SNX29: variants seen among roughly 807,000 people sequenced by gnomAD.
SNX29 encodes the protein sorting nexin-29.
SNX29 carries 78 observed loss-of-function variants against 102.1 expected under a neutral mutation model. The observed-to-expected ratio is 0.76, with a 90% confidence interval of 0.64 to 0.92. The LOEUF (loss-of-function observed/expected upper bound fraction) is 0.92. Among genes scored for constraint, SNX29 ranks in the 40% least tolerant of loss-of-function variants. The pLI, the probability that SNX29 is intolerant of heterozygous loss-of-function variation, is 0.00. For missense variants in SNX29, 1,280 were observed against 1,061.7 expected, an observed-to-expected ratio of 1.21 and a Z score of -2.86; for synonymous variants, 580 against 414.5, an observed-to-expected ratio of 1.40 and a Z score of -4.85.
At chr16:12,357,022 G>A (rs1330817600) in intron 16 of SNX29, among the ~76,000 whole-genome samples, 1 of 152,246 alleles carries the variant, frequency 6.6e-6, no homozygotes, top group Non-Finnish European at 1.5e-5. Context: ...TTTGGATTCA[G>A]TAGTGTCTTT....
rs1305414027 is a variant in SNX29 at position 12,477,830 on chromosome 16, T to C, written c.2149T>C (p.Phe717Leu). ...GTACCCTCAAGTGAGGGCCTACAAC[T>C]TCCCACCCAAAAAGGCCATTGGAAA... ...NKYPQVRAYNFPPKKAIGNKD... is the reference protein window; with the variant it reads ...NKYPQVRAYNLPPKKAIGNKD... Residue 717 changes from phenylalanine (F) to leucine (L), a missense_variant, in exon 19 of 21, where the codon TTC becomes CTC. Phe to Leu is a conservative substitution (Grantham distance 22). Coordinates refer to ENST00000566228, the MANE Select transcript of SNX29 (RefSeq NM_032167.5). 1.2e-6 allele frequency: 2 copies of C among 1,609,582 alleles called. No homozygotes were observed. Among genetic ancestry groups the C allele is most frequent in the Admixed American group, 1.7e-5 (1 of 58,462 alleles).
At chr16:12,020,451 C>T (rs1293575181) in intron 3 of SNX29, among the ~76,000 whole-genome samples, 1 of 152,096 alleles carries the variant, frequency 6.6e-6, no homozygotes, top group African/African-American at 2.4e-5. Flanking sequence ...ATCTGCCCAC[C>T]TCGGCCTCCC....
rs768651100 is a variant in SNX29, at chr16:12,568,656, C to T, written c.*27C>T. 5.6e-6 allele frequency: 9 copies of T among 1,597,828 alleles called. No homozygotes were observed. The highest frequency in any genetic ancestry group is 5.9e-6 in the Non-Finnish European group (7 of 1,178,528). Reference sequence around the variant, plus strand: ...CTCGACAAAACCGCAGCCACGGGCCCTGTGCGTGGCACCAGCTGCGTCCAC... The same window carrying T: ...CTCGACAAAACCGCAGCCACGGGCCTTGTGCGTGGCACCAGCTGCGTCCAC... On this transcript the variant is annotated 3_prime_UTR_variant, in exon 21 of 21. Transcript: ENST00000566228.
intron 15 of SNX29, among the ~76,000 whole-genome samples, chr16:12,351,170 G>A (rs1376818639): frequency 4.6e-5 from 7 of 152,122 alleles, no homozygotes; most frequent in African/African-American, 1.7e-4. Context: ...AATTACATGA[G>A]CTGGTGCACC....
intron 16 of SNX29, chr16:12,375,586 C>A (rs1042646226): frequency 6.6e-6 from 1 of 152,374 alleles, no homozygotes; most frequent in South Asian, 2.1e-4. Flanking sequence ...TTCTTACGGA[C>A]TCTTGGACTG....
intron 19 of SNX29, among the ~76,000 whole-genome samples, chr16:12,496,016 C>A (rs905760027): frequency 6.6e-6 from 1 of 152,084 alleles, no homozygotes; most frequent in African/African-American, 2.4e-5. Flanking sequence ...CCACTGCACT[C>A]CAGCCTGGGC....
At chr16:12,252,353 C>T (rs900991520) in intron 14 of SNX29, among the ~76,000 whole-genome samples, 1 of 152,212 alleles carries the variant, frequency 6.6e-6, no homozygotes, top group African/African-American at 2.4e-5. Context: ...TCCCACCTGG[C>T]GGCTACCTCT....
At chr16:12,150,181 T>A (rs2055237399) in intron 13 of SNX29, among the ~76,000 whole-genome samples, 1 of 152,102 alleles carries the variant, frequency 6.6e-6, no homozygotes, top group African/African-American at 2.4e-5. Flanking sequence ...CATAATCCCC[T>A]CCTGGGCATT....
intron 16 of SNX29, among the ~76,000 whole-genome samples, chr16:12,381,080 C>G (rs1320902222): frequency 2.8e-4 from 6 of 21,798 alleles, no homozygotes; most frequent in Non-Finnish European, 6.4e-4. Flanking sequence ...TACCATCCAT[C>G]CACCCACCCA....
At chr16:12,276,290 A>G (rs1567386951) in intron 14 of SNX29, among the ~76,000 whole-genome samples, 1 of 152,176 alleles carries the variant, frequency 6.6e-6, no homozygotes, top group South Asian at 2.1e-4. Context: ...TTTTCTTTCC[A>G]TAACTGTTTG....
intron 19 of SNX29, among the ~76,000 whole-genome samples, chr16:12,523,520 A>AG (rs142847437): frequency 0.013 from 2,010 of 152,344 alleles, 19 homozygotes; most frequent in Middle Eastern, 0.02. Context: ...CTACTAGCAC[A>AG]GATACACGGA....
At chr16:12,513,831 C>T (rs1220541564) in intron 19 of SNX29, among the ~76,000 whole-genome samples, 9 of 152,330 alleles carry the variant, frequency 5.9e-5, no homozygotes, top group South Asian at 2.1e-4. Flanking sequence ...GGGAAGCCAC[C>T]GCTATGAGGG....
chr16:12,547,468 G>A (rs1006894723), intron 20 of SNX29, among the ~76,000 whole-genome samples: 1 of 152,114 alleles, frequency 6.6e-6, no homozygotes, highest in Admixed American at 6.5e-5. Context: ...CTGGGAAGGG[G>A]TATTCTCAAA....
intron 13 of SNX29, among the ~76,000 whole-genome samples, chr16:12,155,648 C>G (rs1011390692): frequency 1.3e-5 from 2 of 152,074 alleles, no homozygotes; most frequent in African/African-American, 4.8e-5. Flanking sequence ...GTTGGAGATG[C>G]GTTTGAGTAG....
chr16:12,247,366 C>T (rs567297903), intron 14 of SNX29, among the ~76,000 whole-genome samples: 1 of 152,318 alleles, frequency 6.6e-6, no homozygotes, highest in South Asian at 2.1e-4. Flanking sequence ...CTCCTGTAGC[C>T]TTTCTTCCTT....
chr16:12,537,632 C>G (rs543465644), intron 20 of SNX29, among the ~76,000 whole-genome samples: 2 of 152,154 alleles, frequency 1.3e-5, no homozygotes, highest in East Asian at 1.9e-4. Context: ...GAGTTGGCAG[C>G]TTAGATATTA....
intron 3 of SNX29, among the ~76,000 whole-genome samples, chr16:12,025,965 A>G (rs944469987): frequency 6.6e-5 from 10 of 152,186 alleles, no homozygotes; most frequent in African/African-American, 2.2e-4. Context: ...AATGGAGATA[A>G]TAGTACGTGC....
chr16:12,571,622 C>T lies in SNX29; in HGVS notation c.*2993C>T, dbSNP rs550957519. 1.3e-4 allele frequency: 134 copies of T among 1,059,374 alleles called. 1 individual carries two copies. In the African/African-American group the frequency reaches 2.0e-3, roughly 16 times the overall value. 65.6% of individuals were successfully genotyped at this position (1,059,374 alleles called of 1,614,324 possible). ...GAACAGCAGGTTCCATCTTTCACATCTTTTTTTCTCCCCCAGATGAAAGAC... is the reference window on the plus strand; with the variant it reads ...GAACAGCAGGTTCCATCTTTCACATTTTTTTTTCTCCCCCAGATGAAAGAC... On this transcript the variant is annotated 3_prime_UTR_variant, in exon 21 of 21. Transcript: ENST00000566228.
At chr16:12,490,619 C>T (rs1349117395) in intron 19 of SNX29, among the ~76,000 whole-genome samples, 2 of 152,234 alleles carry the variant, frequency 1.3e-5, no homozygotes, top group African/African-American at 4.8e-5. Context: ...GTAGTGCATA[C>T]TGCCACACAG....
Sources: allele counts gnomAD v4.1 joint callset (sites outside exome capture counted in the v4.1 genomes callset), GRCh38; gene constraint gnomAD v4.1.1; transcripts MANE v1.5; gene names NCBI Gene and HGNC (gene_info 2026-07-23, HGNC 2026-07-21).